The following PRKAA1 variants were observed in gnomAD, a reference collection of about 807,000 sequenced individuals.
PRKAA1 encodes the protein protein kinase AMP-activated catalytic subunit alpha 1.
Under a neutral mutation model 56.9 loss-of-function variants are expected in PRKAA1, and 23 were observed. That is an observed-to-expected ratio of 0.40 (90% confidence interval 0.29 to 0.57). The LOEUF (loss-of-function observed/expected upper bound fraction) is 0.57, where lower values mean the gene tolerates loss of function less well. Among genes scored for constraint, PRKAA1 ranks in the 20% least tolerant of loss-of-function variants. PRKAA1 has a pLI of 0.39. For missense variants in PRKAA1, 413 were observed against 679.7 expected, an observed-to-expected ratio of 0.61 and a Z score of 4.36; for synonymous variants, 226 against 227.0, an observed-to-expected ratio of 1.00 and a Z score of 0.04.
chr5:40,791,084 G>A lies in PRKAA1; in HGVS notation c.127+6979C>T, dbSNP rs117757477. On this transcript the variant is annotated intron_variant, in intron 1 of 8. Transcript: ENST00000397128. ...ATCACTGTGCAGTGAGAGGGACAAAGGGCTTGGCATGGTATCAGAAACTAA... is the reference window on the plus strand; with the variant it reads ...ATCACTGTGCAGTGAGAGGGACAAAAGGCTTGGCATGGTATCAGAAACTAA... Among the ~76,000 whole-genome samples, 191 of 152,292 alleles carry A rather than the reference G, an allele frequency of 1.3e-3. 4 individuals are homozygous for A. In the East Asian group the frequency reaches 0.032, roughly 25 times the overall value.
intron 1 of PRKAA1, among the ~76,000 whole-genome samples, chr5:40,793,255 G>A (rs553272661): frequency 6.6e-6 from 1 of 151,834 alleles, no homozygotes; most frequent in African/African-American, 2.4e-5. Flanking sequence ...GCAGAGGGAA[G>A]GCCCACAAGG....
chr5:40,778,962 A>G (rs1481900240), intron 1 of PRKAA1, among the ~76,000 whole-genome samples: 2 of 150,584 alleles, frequency 1.3e-5, no homozygotes, highest in Non-Finnish European at 3.0e-5. Flanking sequence ...CACCCAGATA[A>G]TTTTTTTGTA....
In PRKAA1 at chr5:40,769,297, G is replaced by A. The variant is rs999128478; in HGVS notation, c.596+119C>T. 7.5e-6 allele frequency: 6 copies of A among 798,452 alleles called. No homozygotes were observed. In the African/African-American group the frequency reaches 1.0e-4, roughly 14 times the overall value. 49.5% of individuals were successfully genotyped at this position (798,452 alleles called of 1,614,324 possible). A position where few individuals can be genotyped will look rare whatever the true frequency, so the allele number is the denominator to read the frequency against. On this transcript the variant is annotated intron_variant, in intron 5 of 8. Coordinates refer to ENST00000397128, the MANE Select transcript of PRKAA1 (RefSeq NM_006251.6). ...CTCATTCACATATAAATGTGGTTAA[G>A]AATAAGCCTTATCTTTCTTTCCTTT...
chr5:40,795,010 C>T (rs368073419), intron 1 of PRKAA1, among the ~76,000 whole-genome samples: 60 of 81,094 alleles, frequency 7.4e-4, no homozygotes, highest in East Asian at 4.0e-3. Context: ...CATATATATA[C>T]ACACACACAC....
intron 1 of PRKAA1, among the ~76,000 whole-genome samples, chr5:40,782,237 C>T (rs1394245100): frequency 1.3e-5 from 2 of 152,128 alleles, no homozygotes; most frequent in African/African-American, 4.8e-5. Flanking sequence ...GAACTTCAAC[C>T]CCAATTAACT....
rs1253311473 is a variant in PRKAA1 at position 40,766,095 on chromosome 5, C to T, written c.822-857G>A. Reference sequence around the variant, plus strand: ...TAATTGGAAGAAAATAGGTAAAATACAAACAAAAACATTTCTTACCTAGAT... The same window carrying T: ...TAATTGGAAGAAAATAGGTAAAATATAAACAAAAACATTTCTTACCTAGAT... On this transcript the variant is annotated intron_variant, in intron 6 of 8. Coordinates refer to ENST00000397128, the MANE Select transcript of PRKAA1 (RefSeq NM_006251.6). 2.6e-5 allele frequency among the ~76,000 whole-genome samples: 4 copies of T among 152,024 alleles called. No homozygotes were observed. In the East Asian group the frequency reaches 7.7e-4, roughly 29 times the overall value.
rs369832489 is a variant in PRKAA1 at position 40,798,248 on chromosome 5, G to C, written c.-59C>G. ...GGCCGCGCCGGGGGCGGGCGGGGAG[G>C]GGGTGGGGACGCGGGAGGGCAGCCA... On this transcript the variant is annotated 5_prime_UTR_variant, in exon 1 of 9. Coordinates refer to ENST00000397128, the MANE Select transcript of PRKAA1 (RefSeq NM_006251.6). The C allele has an allele frequency of 4.9e-5, 28 of 568,786 alleles. No individual in the cohort carries two copies. The East Asian group carries it at 1.2e-3, about 24-fold the overall frequency. The allele number at this position is 568,786 out of a possible 1,614,324, so 35.2% of individuals were successfully genotyped here.
At chr5:40,778,800 TTTTTG>T in intron 1 of PRKAA1, among the ~76,000 whole-genome samples, 2 of 143,382 alleles carry the variant, frequency 1.4e-5, no homozygotes, top group African/African-American at 5.2e-5. Flanking sequence ...TTTTTTTTTT[TTTTTG>T]AGACAGGGTG....
chr5:40,777,622 T>G (rs761871972), intron 1 of PRKAA1, 36 bp from the exon 2 acceptor site: 1 of 1,539,032 alleles, frequency 6.5e-7, no homozygotes, highest in East Asian at 2.4e-5. Context: ...TAGTACTAAG[T>G]ATGATTAATA....
intron 4 of PRKAA1, among the ~76,000 whole-genome samples, chr5:40,769,878 TAAAAAAAAAAAAA>T (rs3071208): frequency 6.1e-4 from 67 of 109,910 alleles, no homozygotes; most frequent in African/African-American, 9.5e-4. Context: ...TCTGATTCTT[TAAAAAAAAAAAAA>T]AAAAAAAAAA....
At position 40,794,951 on chromosome 5, in the gene PRKAA1, A is replaced by G. The variant is rs1407633118; in HGVS notation, c.127+3112T>C. On this transcript the variant is annotated intron_variant, in intron 1 of 8. Coordinates refer to ENST00000397128, the MANE Select transcript of PRKAA1 (RefSeq NM_006251.6). ...TCACAATTGCAAAATCGTGGAACCA[A>G]TCCAAATGCCCATCACTCAATGTAT... 2.0e-5 allele frequency among the ~76,000 whole-genome samples: 3 copies of G among 152,012 alleles called. No individual in the cohort carries two copies. In the East Asian group the frequency reaches 5.8e-4, roughly 29 times the overall value.
chr5:40,781,580 C>A (rs1744267971), intron 1 of PRKAA1, among the ~76,000 whole-genome samples: 1 of 151,954 alleles, frequency 6.6e-6, no homozygotes, highest in Admixed American at 6.6e-5. Context: ...TTTACAAAGG[C>A]ACTGGAAGAT....
In PRKAA1 at chr5:40,765,157, A is replaced by G. The variant is rs988811100; in HGVS notation, c.903T>C (p.Asp301=). The change falls in exon 7 of 9, where the codon GAT becomes GAC. Residue 301 remains aspartate (D), a synonymous_variant. Coordinates refer to ENST00000397128, the MANE Select transcript of PRKAA1 (RefSeq NM_006251.6). ...TTTCACATACTTCTTTTAAGGCTTCATCATCAATCATGGTTGAACTATATG... is the reference window on the plus strand; with the variant it reads ...TTTCACATACTTCTTTTAAGGCTTCGTCATCAATCATGGTTGAACTATATG... ...DPSYSSTMID[D]EALKEVCEKF... The G allele has an allele frequency of 1.9e-6, 3 of 1,614,034 alleles. No homozygotes were observed. Among genetic ancestry groups the G allele is most frequent in the East Asian group, 2.2e-5 (1 of 44,896 alleles).
At chr5:40,776,306 T>C (rs751834424) in intron 2 of PRKAA1, among the ~76,000 whole-genome samples, 1 of 152,252 alleles carries the variant, frequency 6.6e-6, no homozygotes, top group Non-Finnish European at 1.5e-5. Context: ...CCCTGGGTCA[T>C]TGGCTGTTAG....
At chr5:40,791,218 G>C (rs1361726796) in intron 1 of PRKAA1, among the ~76,000 whole-genome samples, 1 of 152,220 alleles carries the variant, frequency 6.6e-6, no homozygotes. Flanking sequence ...AATGGACTCT[G>C]TCAGGCATAT....
chr5:40,792,702 A>G (rs2112103774), intron 1 of PRKAA1, among the ~76,000 whole-genome samples: 1 of 152,310 alleles, frequency 6.6e-6, no homozygotes, highest in South Asian at 2.1e-4. Flanking sequence ...GAATTTTTAA[A>G]TAACTTCTAC....
chr5:40,775,290 T>C (rs1345296444), intron 3 of PRKAA1, 120 bp downstream of exon 3: 2 of 762,712 alleles, frequency 2.6e-6, no homozygotes, highest in East Asian at 2.6e-5. Context: ...TAAACAAATA[T>C]ATGACTAAGG....
chr5:40,761,427 C>T lies in PRKAA1; in HGVS notation c.*1351G>A, dbSNP rs1201614465. The T allele has an allele frequency of 2.0e-5, 3 of 152,076 alleles. No individual in the cohort carries two copies. Among genetic ancestry groups the T allele is most frequent in the Non-Finnish European group, 4.4e-5 (3 of 68,014 alleles). 9.4% of individuals were successfully genotyped at this position (152,076 alleles called of 1,614,324 possible). A position where few individuals can be genotyped will look rare whatever the true frequency, so the allele number is the denominator to read the frequency against. ...GTTCAGGGGGAAAAAAGCATATATA[C>T]ATACACAAACAAACACATATATGCA... On this transcript the variant is annotated 3_prime_UTR_variant, in exon 9 of 9. Transcript: ENST00000397128.
chr5:40,765,340 T>TTCATA, intron 6 of PRKAA1, 102 bp from the exon 7 acceptor site: 2 of 1,323,696 alleles, frequency 1.5e-6, no homozygotes, highest in South Asian at 3.1e-5. Context: ...TATATTTATA[T>TTCATA]TCATACTGTA....
Sources: gnomAD v4.1 joint callset for allele counts (sites outside exome capture counted in the v4.1 genomes callset) on GRCh38, gnomAD v4.1.1 for gene constraint, MANE v1.5 for transcripts, NCBI Gene and HGNC (gene_info 2026-07-23, HGNC 2026-07-21) for gene names.